SLC23A2: variants seen among roughly 807,000 people sequenced by gnomAD.
The protein encoded by SLC23A2 is Na(+)/L-ascorbic acid transporter 2.
SLC23A2 carries 36 observed loss-of-function variants against 73.3 expected under a neutral mutation model. The observed-to-expected ratio is 0.49, with a 90% CI of 0.38 to 0.65. SLC23A2 has a LOEUF of 0.65. Ranked by LOEUF, SLC23A2 falls within the 30% of genes least tolerant of loss-of-function variation. The probability of loss-of-function intolerance (pLI) is 0.00; values close to 1 mark genes in which losing one functional copy is unlikely to be tolerated. For missense variants in SLC23A2, 507 were observed against 841.6 expected, an observed-to-expected ratio of 0.60 and a Z score of 4.92; for synonymous variants, 343 against 327.3, an observed-to-expected ratio of 1.05 and a Z score of -0.52.
chr20:4,935,144 G>A (rs55793575), intron 2 of SLC23A2, among the ~76,000 whole-genome samples: 8,316 of 132,784 alleles, frequency 0.063, 387 homozygotes, highest in South Asian at 0.12. Context: ...CCGAGATCGC[G>A]CCACTGCACT....
intron 3 of SLC23A2, among the ~76,000 whole-genome samples, chr20:4,922,382 G>T (rs1932524771): frequency 1.3e-5 from 2 of 152,180 alleles, no homozygotes; most frequent in African/African-American, 2.4e-5. Context: ...CAGGATGAAG[G>T]CAGGGGGATC....
At chr20:4,888,721 A>C (rs1348871663) in intron 6 of SLC23A2, among the ~76,000 whole-genome samples, 1 of 152,218 alleles carries the variant, frequency 6.6e-6, no homozygotes, top group East Asian at 1.9e-4. Flanking sequence ...AGGCACAGAG[A>C]AAATATCACC....
chr20:4,935,899 G>A (rs2086955863), intron 2 of SLC23A2, among the ~76,000 whole-genome samples: 1 of 152,088 alleles, frequency 6.6e-6, no homozygotes, highest in Non-Finnish European at 1.5e-5. Context: ...GCCATGCCTT[G>A]GTTCATGAGT....
chr20:4,956,197 T>C (rs1001910895), intron 2 of SLC23A2, among the ~76,000 whole-genome samples: 21 of 152,274 alleles, frequency 1.4e-4, no homozygotes, highest in African/African-American at 4.8e-4. Flanking sequence ...GTTTTTCTTT[T>C]AATTCCACAT....
At chr20:4,953,186 T>A (rs749555772) in intron 2 of SLC23A2, among the ~76,000 whole-genome samples, 1 of 149,042 alleles carries the variant, frequency 6.7e-6, no homozygotes, top group Admixed American at 6.7e-5. Context: ...CGTGCCTGTA[T>A]TCCCAGCTAC....
chr20:4,973,567 T>C (rs1273128527), intron 1 of SLC23A2, among the ~76,000 whole-genome samples: 1 of 152,192 alleles, frequency 6.6e-6, no homozygotes, highest in Non-Finnish European at 1.5e-5. Flanking sequence ...AAGGAATCTC[T>C]GAGGAAGGAG....
At position 4,873,958 on chromosome 20, in the gene SLC23A2, C is replaced by A. The variant is rs62636560; in HGVS notation, c.1080G>T (p.Pro360=). The change falls in exon 11 of 17, where the codon CCG becomes CCT. Residue 360 remains proline, a synonymous_variant. Coordinates refer to ENST00000338244, the MANE Select transcript of SLC23A2 (RefSeq NM_005116.6). ...DARQGVLLVA[P]WFKVPYPFQW... is the part of the protein sequence containing the mutation. ...TACATGGGTATGGAACCTTAAACCA[C>A]GGGGCTACCAGAAGCACGCCTTGCC... is the stretch of plus-strand genomic sequence containing the variant. 847 of 1,613,916 alleles carry A rather than the reference C, an allele frequency of 5.2e-4. 6 individuals are homozygous for A. In the African/African-American group the frequency reaches 0.01, roughly 19 times the overall value.
chr20:4,892,546 A>C (rs574249291), intron 6 of SLC23A2, among the ~76,000 whole-genome samples: 1 of 152,254 alleles, frequency 6.6e-6, no homozygotes, highest in African/African-American at 2.4e-5. Context: ...ATGGTAACAA[A>C]TTTTTTTATT....
chr20:4,951,844 C>G lies in SLC23A2; in HGVS notation c.-155+18949G>C, dbSNP rs538127336. ...TGAGGTCGGGTGTGGTGGCTCACACCTGTAATCCTAGCACTTTGGGAGGCT... is the reference window on the plus strand; with the variant it reads ...TGAGGTCGGGTGTGGTGGCTCACACGTGTAATCCTAGCACTTTGGGAGGCT... On this transcript the variant is annotated intron_variant, in intron 2 of 16. Coordinates refer to ENST00000338244, the MANE Select transcript of SLC23A2 (RefSeq NM_005116.6). 3.3e-5 allele frequency among the ~76,000 whole-genome samples: 5 copies of G among 152,096 alleles called. No individual in the cohort carries two copies. The East Asian group carries it at 9.7e-4, about 29-fold the overall frequency.
intron 2 of SLC23A2, among the ~76,000 whole-genome samples, chr20:4,956,908 A>C (rs1214357964): frequency 6.6e-6 from 1 of 150,744 alleles, no homozygotes; most frequent in African/African-American, 2.4e-5. Flanking sequence ...TCTGGGTTCA[A>C]GCGATTCTCC....
intron 1 of SLC23A2, among the ~76,000 whole-genome samples, chr20:4,979,779 T>C (rs2087698677): frequency 6.6e-6 from 1 of 152,124 alleles, no homozygotes; most frequent in Non-Finnish European, 1.5e-5. Flanking sequence ...CTTTAGAGTT[T>C]GAAAAATGAG....
In SLC23A2 at chr20:4,862,862, C is replaced by A. The variant is rs201605928; in HGVS notation, c.1402G>T (p.Ala468Ser). ...CTGAACTTCCCGATCATGCCCAGAG[C>A]GAGCATGAGGGCTGCTCCGCACTGT... ...VIQCGAALMLALGMIGKFSAL... is the reference protein window; with the variant it reads ...VIQCGAALMLSLGMIGKFSAL... Residue 468 changes from alanine to serine, a missense_variant, in exon 14 of 17, where the codon GCT becomes TCT. Ala to Ser is a moderately conservative substitution (Grantham distance 99). This residue lies in a region of SLC23A2 where 168 missense variants were observed against 302.3 expected (regional missense o/e 0.56). Transcript: ENST00000338244. The surrounding 1 kb of genome is among the most constrained non-coding windows in gnomAD (Gnocchi z 5.1). 1.2e-6 allele frequency: 2 copies of A among 1,613,470 alleles called. No homozygotes were observed. The highest frequency in any genetic ancestry group is 2.7e-5 in the African/African-American group (2 of 74,928).
chr20:5,008,668 G>A (rs2122410691), intron 1 of SLC23A2, among the ~76,000 whole-genome samples: 1 of 152,108 alleles, frequency 6.6e-6, no homozygotes, highest in African/African-American at 2.4e-5. Context: ...TCCCATGAGG[G>A]ACCTCTCTTC....
At chr20:4,933,474 C>T (rs1169162214) in intron 2 of SLC23A2, among the ~76,000 whole-genome samples, 1 of 151,400 alleles carries the variant, frequency 6.6e-6, no homozygotes, top group African/African-American at 2.4e-5. Context: ...AATAATAATA[C>T]AAAAATCAGC....
intron 4 of SLC23A2, among the ~76,000 whole-genome samples, chr20:4,906,016 A>G (rs1464485784): frequency 6.6e-6 from 1 of 151,916 alleles, no homozygotes; most frequent in Non-Finnish European, 1.5e-5. Flanking sequence ...TGTGCTTTCT[A>G]TTTTTTTTCT....
chr20:4,942,363 C>T (rs753829122), intron 2 of SLC23A2, among the ~76,000 whole-genome samples: 1 of 134,820 alleles, frequency 7.4e-6, no homozygotes, highest in African/African-American at 3.0e-5. Flanking sequence ...AGCAGGAAAT[C>T]GCTACAGTCT....
chr20:5,001,320 C>G (rs1196861557), intron 1 of SLC23A2, 86 bp downstream of exon 1: 1 of 146,468 alleles, frequency 6.8e-6, no homozygotes, highest in Non-Finnish European at 1.5e-5. Context: ...GCCAGGCCGG[C>G]CTCGTGGGCG....
intron 3 of SLC23A2, among the ~76,000 whole-genome samples, chr20:4,918,211 C>T (rs1172472340): frequency 6.6e-6 from 1 of 152,064 alleles, no homozygotes; most frequent in Non-Finnish European, 1.5e-5. Flanking sequence ...ATCTTGGCAT[C>T]GTTCACCTCA....
At chr20:4,976,896 A>C (rs769698787) in intron 1 of SLC23A2, among the ~76,000 whole-genome samples, 32 of 152,052 alleles carry the variant, frequency 2.1e-4, no homozygotes, top group Non-Finnish European at 4.1e-4. Context: ...GAATCACTTG[A>C]ATCAGGGGGG....
Sources: gnomAD v4.1 joint callset for allele counts (sites outside exome capture counted in the v4.1 genomes callset) on GRCh38, gnomAD v4.1.1 for gene constraint, gnomAD v4.1.1 regional missense constraint, Gnocchi (gnomAD v3.1) non-coding constraint, MANE v1.5 for transcripts, NCBI Gene and HGNC (gene_info 2026-07-23, HGNC 2026-07-21) for gene names.